The following TTLL11 variants were observed in gnomAD, a reference collection of about 807,000 sequenced individuals.
The protein encoded by TTLL11 is tubulin polyglutamylase TTLL11.
In TTLL11, 42 loss-of-function variants were observed where a neutral mutation model predicts 51.7. The ratio of observed to expected loss-of-function variants is 0.81; its 90% confidence interval spans 0.64 to 1.05. The LOEUF is 1.05. Ranked by LOEUF, TTLL11 falls within the 50% of genes least tolerant of loss-of-function variation. The probability of loss-of-function intolerance (pLI) is 0.00; values close to 1 mark genes in which losing one functional copy is unlikely to be tolerated. For missense variants in TTLL11, 799 were observed against 940.4 expected, an observed-to-expected ratio of 0.85 and a Z score of 1.97; for synonymous variants, 381 against 383.5, an observed-to-expected ratio of 0.99 and a Z score of 0.08.
intron 3 of TTLL11, 29 bp downstream of exon 3, chr9:122,031,693 CA>C (rs1172051062): frequency 6.2e-7 from 1 of 1,608,568 alleles, no homozygotes; most frequent in East Asian, 2.2e-5. Context: ...TAATATAATT[CA>C]GGGGTCATGG....
intron 2 of TTLL11, among the ~76,000 whole-genome samples, chr9:122,032,121 A>C (rs553568646): frequency 1.3e-5 from 2 of 152,170 alleles, no homozygotes; most frequent in East Asian, 3.9e-4. Context: ...GTTTTCACCT[A>C]GTTTATTCTT....
chr9:122,073,417 G>GAAATA (rs1415757062), intron 1 of TTLL11, among the ~76,000 whole-genome samples: 1 of 151,936 alleles, frequency 6.6e-6, no homozygotes, highest in Non-Finnish European at 1.5e-5. Flanking sequence ...CTCAGAAAAT[G>GAAATA]AAATAAAATA....
At chr9:121,897,081 G>A (rs1269305164) in intron 6 of TTLL11, among the ~76,000 whole-genome samples, 2 of 152,160 alleles carry the variant, frequency 1.3e-5, no homozygotes, top group African/African-American at 4.8e-5. Flanking sequence ...GACTAAGAAT[G>A]TCAGCCAGCC....
chr9:121,816,711 A>ACC lies in TTLL11; in HGVS notation c.*5875_*5876insGG, dbSNP rs1836423109. The ACC allele has an allele frequency of 6.6e-6, 1 of 151,924 alleles. No homozygotes were observed. The highest frequency in any genetic ancestry group is 1.5e-5 in the Non-Finnish European group (1 of 67,986). The allele number at this position is 151,924 out of a possible 1,614,324, so 9.4% of individuals were successfully genotyped here. On this transcript the variant is annotated 3_prime_UTR_variant, in exon 9 of 9. Transcript: ENST00000321582. ...ATCGTGTGTGCGTGCGTGTGTGTGC[A>ACC]TGCATGCGCGCGTGTGTGTATAAGC...
chr9:121,941,818 C>A (rs905903106), intron 6 of TTLL11, among the ~76,000 whole-genome samples: 1 of 152,122 alleles, frequency 6.6e-6, no homozygotes, highest in Non-Finnish European at 1.5e-5. Context: ...TGCCTCTGCC[C>A]AGTCGCTCAG....
chr9:122,031,878 A>G, intron 2 of TTLL11, 22 bp from the exon 3 acceptor site: 1 of 1,605,228 alleles, frequency 6.2e-7, no homozygotes, highest in Non-Finnish European at 8.5e-7. Context: ...AGACGCTGTG[A>G]GGTTTTAACA....
intron 6 of TTLL11, among the ~76,000 whole-genome samples, chr9:121,892,189 TATATATAC>T (rs139817730): frequency 0.5 from 71,828 of 144,822 alleles, 17,943 homozygotes; most frequent in South Asian, 0.58. Flanking sequence ...TACACACACA[TATATATAC>T]ATATATACAT....
intron 6 of TTLL11, among the ~76,000 whole-genome samples, chr9:121,914,745 C>T (rs544605040): frequency 1.6e-3 from 242 of 152,314 alleles, no homozygotes; most frequent in African/African-American, 5.6e-3. Context: ...CCCATTTCCC[C>T]TGCACACCAC....
intron 3 of TTLL11, among the ~76,000 whole-genome samples, chr9:121,994,840 G>A (rs1257955473): frequency 1.3e-5 from 2 of 152,204 alleles, no homozygotes; most frequent in Non-Finnish European, 2.9e-5. Flanking sequence ...GTCTGGGGCA[G>A]ACAGGAAAAG....
chr9:121,968,317 C>T (rs144171690), intron 6 of TTLL11, among the ~76,000 whole-genome samples: 33 of 152,288 alleles, frequency 2.2e-4, no homozygotes, highest in Middle Eastern at 3.4e-3. Flanking sequence ...CCTTCAGGAG[C>T]CAAAGGTAAT....
At chr9:121,885,170 G>C (rs1838962421) in intron 6 of TTLL11, 1 of 152,182 alleles carries the variant, frequency 6.6e-6, no homozygotes, top group Non-Finnish European at 1.5e-5. Context: ...TTGCATCTCG[G>C]TAATCCAACG....
rs988236650 is a variant in TTLL11, at chr9:122,006,994, A to C, written c.694-17224T>G. Among the ~76,000 whole-genome samples, 21 of 150,468 alleles carry C rather than the reference A, an allele frequency of 1.4e-4. 1 individual carries two copies. The highest frequency in any genetic ancestry group is 2.1e-4 in the Non-Finnish European group (14 of 67,694). ...GAGATACTCTGTCAAAAAAAAAAAA[A>C]AAAAAAAAAAAAAAACTTTTCCTTA... is the stretch of plus-strand genomic sequence containing the variant. On this transcript the variant is annotated intron_variant, in intron 3 of 8. Transcript: ENST00000321582.
At chr9:121,922,417 T>C (rs1840577944) in intron 6 of TTLL11, among the ~76,000 whole-genome samples, 1 of 152,176 alleles carries the variant, frequency 6.6e-6, no homozygotes, top group Non-Finnish European at 1.5e-5. Flanking sequence ...AAGGAATTCT[T>C]GGGGTCCGGG....
chr9:122,046,006 A>G (rs1844990416), intron 1 of TTLL11, among the ~76,000 whole-genome samples: 1 of 152,228 alleles, frequency 6.6e-6, no homozygotes, highest in Non-Finnish European at 1.5e-5. Flanking sequence ...ATTGTACTTA[A>G]AGCCACTGAA....
intron 7 of TTLL11, among the ~76,000 whole-genome samples, chr9:121,864,382 T>C (rs1215039736): frequency 1.3e-5 from 2 of 152,170 alleles, no homozygotes; most frequent in Non-Finnish European, 2.9e-5. Flanking sequence ...AATTCTTCAG[T>C]GGAAGAAAAG....
intron 3 of TTLL11, among the ~76,000 whole-genome samples, chr9:122,002,928 G>C (rs1001587334): frequency 1.7e-5 from 2 of 118,744 alleles, no homozygotes; most frequent in Non-Finnish European, 3.3e-5. Context: ...CCTGGCAACA[G>C]AGTGAGACTC....
chr9:122,030,490 A>G (rs553463144), intron 3 of TTLL11, among the ~76,000 whole-genome samples: 5 of 152,196 alleles, frequency 3.3e-5, no homozygotes, highest in African/African-American at 1.2e-4. Flanking sequence ...CTCAGAAAGC[A>G]TATGCCTTGG....
At chr9:121,980,468 A>G (rs1842803771) in intron 4 of TTLL11, among the ~76,000 whole-genome samples, 1 of 152,234 alleles carries the variant, frequency 6.6e-6, no homozygotes, top group African/African-American at 2.4e-5. Flanking sequence ...AGTTCCTATT[A>G]GCTCTCCACT....
At chr9:122,056,372 C>T (rs576460424) in intron 1 of TTLL11, among the ~76,000 whole-genome samples, 53 of 152,246 alleles carry the variant, frequency 3.5e-4, no homozygotes, top group African/African-American at 1.3e-3. Flanking sequence ...GTATATTACA[C>T]GTGCTATCTC....
Sources: gnomAD v4.1 joint callset for allele counts (sites outside exome capture counted in the v4.1 genomes callset) on GRCh38, gnomAD v4.1.1 for gene constraint, MANE v1.5 for transcripts, NCBI Gene and HGNC (gene_info 2026-07-23, HGNC 2026-07-21) for gene names.